Variants in NPEPPS observed in about 807,000 individuals in gnomAD.
NPEPPS encodes puromycin-sensitive aminopeptidase.
In NPEPPS, 14 loss-of-function variants were observed where a neutral mutation model predicts 115.5. That is an observed-to-expected ratio of 0.12 (90% CI 0.08 to 0.19). NPEPPS has a LOEUF of 0.19. Ranked by LOEUF, NPEPPS falls within the 10% of genes least tolerant of loss-of-function variation. The pLI is 1.00. For synonymous variants in NPEPPS, 285 were observed against 390.6 expected (o/e 0.73, Z 3.19); for missense variants, 523 against 1,110.8 (o/e 0.47, Z 7.52).
chr17:47,610,120 C>G (rs1244787265), intron 17 of NPEPPS, among the ~76,000 whole-genome samples: 4 of 151,674 alleles, frequency 2.6e-5, no homozygotes, highest in African/African-American at 9.7e-5. Context: ...GCAACTATCA[C>G]CTCTATATTT....
chr17:47,615,120 C>T (rs184263589), intron 19 of NPEPPS, among the ~76,000 whole-genome samples: 54 of 144,996 alleles, frequency 3.7e-4, no homozygotes, highest in Non-Finnish European at 7.1e-4. Flanking sequence ...ACTCTGTCAC[C>T]AGGCTGGAGT....
chr17:47,614,688 G>A (rs1217167867), intron 19 of NPEPPS, among the ~76,000 whole-genome samples: 2 of 152,132 alleles, frequency 1.3e-5, no homozygotes, highest in Admixed American at 6.6e-5. Context: ...ATACAGTTCC[G>A]GTCTATAAAG....
chr17:47,595,926 G>GA (rs1318656865), intron 12 of NPEPPS: 3 of 137,716 alleles, frequency 2.2e-5, no homozygotes, highest in African/African-American at 8.2e-5. Context: ...AAGTTGCAGT[G>GA]ATCTTAGATC....
At chr17:47,581,016 T>C (rs1333227628) in intron 4 of NPEPPS, 4 of 152,230 alleles carry the variant, frequency 2.6e-5, no homozygotes, top group Admixed American at 2.0e-4. Context: ...TCTCTTGCCA[T>C]GAGTAATAGG....
At position 47,623,093 on chromosome 17, in the gene NPEPPS, TTTTC is replaced by T. The variant is rs575887993; in HGVS notation, c.*1177_*1180del. Reference sequence around the variant, plus strand: ...TTCCCTTCTTCTTTCCCTACCTTTTTTTTCTTTTTTTCTTAAAAAAATATTTTGT... The same window carrying T: ...TTCCCTTCTTCTTTCCCTACCTTTTTTTTTTTTCTTAAAAAAATATTTTGT... On this transcript the variant is annotated 3_prime_UTR_variant, in exon 23 of 23. Transcript: ENST00000322157. 1.6e-3 allele frequency: 399 copies of T among 255,744 alleles called. No individual in the cohort carries two copies. Among genetic ancestry groups the T allele is most frequent in the Non-Finnish European group, 2.6e-3 (339 of 130,348 alleles). The allele number at this position is 255,744 out of a possible 1,614,324, so 15.8% of individuals were successfully genotyped here.
At chr17:47,531,688 T>A in intron 1 of NPEPPS, 133 bp downstream of exon 1, 1 of 1,209,210 alleles carries the variant, frequency 8.3e-7, no homozygotes, top group Non-Finnish European at 1.0e-6. Context: ...GGGCGCCGGG[T>A]TCGGCGTGCT....
At chr17:47,611,122 G>T (rs1261181082) in intron 17 of NPEPPS, among the ~76,000 whole-genome samples, 3 of 151,948 alleles carry the variant, frequency 2.0e-5, no homozygotes, top group African/African-American at 7.2e-5. Context: ...AAAGTGCTGA[G>T]ATTACAGGTG....
rs574894901 is a variant in NPEPPS, at chr17:47,532,091, G to A, written c.255+536G>A. On this transcript the variant is annotated intron_variant, in intron 1 of 22. Coordinates refer to ENST00000322157, the MANE Select transcript of NPEPPS (RefSeq NM_006310.4). The stretch of plus-strand genomic sequence containing the variant: ...CGACGAGGGGAGCTTCTAGAAGGGG[G>A]GGGAGAGGGTGAGAACGAGAATGTT... 1.1e-4 allele frequency among the ~76,000 whole-genome samples: 16 copies of A among 152,248 alleles called. No individual in the cohort carries two copies. The South Asian group carries it at 1.9e-3, about 18-fold the overall frequency.
chr17:47,610,815 AGAGTGAAATTGCT>A (rs1331646312), intron 17 of NPEPPS, among the ~76,000 whole-genome samples: 1 of 149,172 alleles, frequency 6.7e-6, no homozygotes, highest in Non-Finnish European at 1.5e-5. Flanking sequence ...AAGATACCTA[AGAGTGAAATTGCT>A]GAGTCATATG....
At chr17:47,619,674 G>A (rs1204964293) in intron 21 of NPEPPS, 63 bp from the exon 22 acceptor site, 3 of 1,309,148 alleles carry the variant, frequency 2.3e-6, no homozygotes, top group African/African-American at 1.5e-5. Context: ...TATTTTTAGG[G>A]TAAATGGAAG....
intron 19 of NPEPPS, among the ~76,000 whole-genome samples, chr17:47,615,549 C>T (rs1649961468): frequency 6.6e-6 from 1 of 152,040 alleles, no homozygotes; most frequent in African/African-American, 2.4e-5. Flanking sequence ...AGAGCAAGAC[C>T]CTATCTTAAA....
At chr17:47,592,947 C>T (rs1029706799) in intron 12 of NPEPPS, among the ~76,000 whole-genome samples, 1 of 151,984 alleles carries the variant, frequency 6.6e-6, no homozygotes, top group Admixed American at 6.6e-5. Flanking sequence ...ATGTTCCCCG[C>T]CCTGTGTTCA....
intron 4 of NPEPPS, chr17:47,580,398 T>C (rs1911800674): frequency 6.6e-6 from 1 of 152,200 alleles, no homozygotes; most frequent in East Asian, 1.9e-4. Flanking sequence ...TGTATGTCTC[T>C]AAACAATTTT....
chr17:47,531,756 G>A (rs1170369140), intron 1 of NPEPPS, among the ~76,000 whole-genome samples: 2 of 151,952 alleles, frequency 1.3e-5, no homozygotes, highest in African/African-American at 4.8e-5. Flanking sequence ...GGCAGGGACC[G>A]TGGCCGGAGC....
chr17:47,598,142 TA>T (rs1375947187), intron 13 of NPEPPS, among the ~76,000 whole-genome samples: 5 of 150,566 alleles, frequency 3.3e-5, no homozygotes, highest in Non-Finnish European at 4.4e-5. Flanking sequence ...AAATTATTGT[TA>T]CTTCTCATCT....
At chr17:47,531,652 C>T (rs1907780867) in intron 1 of NPEPPS, 97 bp downstream of exon 1, 1 of 1,402,320 alleles carries the variant, frequency 7.1e-7, no homozygotes, top group Non-Finnish European at 9.2e-7. Flanking sequence ...GGCGGGCGGG[C>T]CTCGGGTCGG....
intron 1 of NPEPPS, among the ~76,000 whole-genome samples, chr17:47,524,060 CTT>C (rs537522575): frequency 3.2e-3 from 492 of 151,520 alleles, no homozygotes; most frequent in African/African-American, 0.011. Context: ...AATCCCTGCA[CTT>C]TGGGAGGCTG....
At chr17:47,562,014 G>A (rs1351639844) in intron 2 of NPEPPS, among the ~76,000 whole-genome samples, 1 of 152,234 alleles carries the variant, frequency 6.6e-6, no homozygotes, top group Non-Finnish European at 1.5e-5. Flanking sequence ...AGCTGAACAC[G>A]TGGAGGGTCC....
intron 19 of NPEPPS, among the ~76,000 whole-genome samples, chr17:47,614,655 A>T (rs948552553): frequency 2.6e-5 from 4 of 152,236 alleles, no homozygotes; most frequent in Middle Eastern, 3.2e-3. Flanking sequence ...CTGTGAAGCA[A>T]ATGCTATCTC....
Sources: gnomAD v4.1 joint callset for allele counts (sites outside exome capture counted in the v4.1 genomes callset) on GRCh38, gnomAD v4.1.1 for gene constraint, MANE v1.5 for transcripts, NCBI Gene and HGNC (gene_info 2026-07-23, HGNC 2026-07-21) for gene names.